Variants in TAOK2 observed in about 807,000 individuals in gnomAD.
TAOK2 encodes the protein serine/threonine-protein kinase TAO2.
A neutral mutation model predicts 122.5 loss-of-function variants in TAOK2; 42 were observed. The ratio of observed to expected loss-of-function variants is 0.34; its 90% CI spans 0.27 to 0.44. TAOK2 has a LOEUF of 0.44. Ranked by LOEUF, TAOK2 falls within the 20% of genes least tolerant of loss-of-function variation. The pLI, the probability that TAOK2 is intolerant of heterozygous loss-of-function variation, is 1.00. For missense variants in TAOK2, 1,264 were observed against 1,644.9 expected (o/e 0.77, Z 4.01); for synonymous variants, 704 against 677.6 (o/e 1.04, Z -0.61).
In TAOK2 at chr16:29,985,631, A is replaced by G; in HGVS notation, c.1789-27A>G. On this transcript the variant is annotated intron_variant, in intron 14 of 15. Coordinates refer to ENST00000308893, the MANE Select transcript of TAOK2 (RefSeq NM_016151.4). This position sits in a 1 kb window ranked among gnomAD's most constrained non-coding sequence, Gnocchi z 6.9. ...CCGATGGCGAGCCAGGTGGGTCCTG[A>G]CCCTGCTTCCCTCTGCACTCGCCCA... The G allele has an allele frequency of 6.2e-7, 1 of 1,609,540 alleles. No individual in the cohort carries two copies.
Position 29,987,608 on chromosome 16 carries a change from T to G in TAOK2, c.3336T>G (p.Phe1112Leu), listed in dbSNP as rs1337949451. The change falls in exon 16 of 16, where the codon TTT (phenylalanine) becomes TTG (leucine). Residue 1112 changes from phenylalanine to leucine, a missense_variant. Physicochemically the swap from Phe to Leu is conservative, Grantham distance 22. Coordinates refer to ENST00000308893, the MANE Select transcript of TAOK2 (RefSeq NM_016151.4). Reference protein sequence around the residue: ...GCGAVGDRGLFALYPKTNKDG... With the variant: ...GCGAVGDRGLLALYPKTNKDG... Reference sequence around the variant, plus strand: ...GGGCTGTGGGGGACCGGGGTCTGTTTGCACTGTACCCCAAAACCAACAAGG... The same window carrying G: ...GGGCTGTGGGGGACCGGGGTCTGTTGGCACTGTACCCCAAAACCAACAAGG... 6.2e-7 allele frequency: 1 copy of G among 1,612,904 alleles called. No individual in the cohort carries two copies. The highest frequency in any genetic ancestry group is 8.5e-7 in the Non-Finnish European group (1 of 1,179,254).
chr16:29,982,743 G>A lies in TAOK2; in HGVS notation c.841G>A (p.Val281Met), dbSNP rs903892697. The change falls in exon 11 of 16, where the codon GTG becomes ATG. Residue 281 changes from valine to methionine, a missense_variant. Physicochemically the swap from Val to Met is conservative, Grantham distance 21. Transcript: ENST00000308893. ...TGCCCTCTTCCCCCAGCACCGCTTT[G>A]TGCTCCGGGAGCGGCCACCCACAGT... ...TSEVLLKHRF[V>M]LRERPPTVIM... 1 of 1,613,338 alleles carries A rather than the reference G, an allele frequency of 6.2e-7. No homozygotes were observed. The highest frequency in any genetic ancestry group is 1.7e-5 in the Admixed American group (1 of 59,936).
In TAOK2 at chr16:29,986,442, C is replaced by T. The variant is rs756682464; in HGVS notation, c.2170C>T (p.Arg724Cys). The change falls in exon 16 of 16, where the codon CGT (arginine) becomes TGT (cysteine). Residue 724 changes from arginine to cysteine, a missense_variant. Physicochemically the swap from Arg to Cys is radical, Grantham distance 180. Coordinates refer to ENST00000308893, the MANE Select transcript of TAOK2 (RefSeq NM_016151.4). The surrounding 1 kb of genome is among the most constrained non-coding windows in gnomAD (Gnocchi z 4.2). The stretch of plus-strand genomic sequence containing the variant: ...CAACCAGCTGGAGTACAACAAGCGG[C>T]GTGAGCAAGAGTTGCGGCAGAAGCA... ...LGNQLEYNKR[R>C]EQELRQKHAA... 1.2e-5 allele frequency: 19 copies of T among 1,608,232 alleles called. No individual in the cohort carries two copies. The highest frequency in any genetic ancestry group is 1.6e-5 in the Non-Finnish European group (19 of 1,177,302).
chr16:29,977,008 T>G (rs920633728), intron 1 of TAOK2, among the ~76,000 whole-genome samples: 5 of 152,194 alleles, frequency 3.3e-5, no homozygotes, highest in Admixed American at 3.3e-4. Flanking sequence ...TGAATAGAGA[T>G]AATGCACGTA....
chr16:29,975,668 G>A (rs2069432798), intron 1 of TAOK2, among the ~76,000 whole-genome samples: 1 of 152,166 alleles, frequency 6.6e-6, no homozygotes, highest in Non-Finnish European at 1.5e-5. Flanking sequence ...TCCTGAGAGG[G>A]CTCTCTCCTG....
chr16:29,981,575 T>C, intron 8 of TAOK2, 86 bp from the exon 9 acceptor site: 2 of 1,280,380 alleles, frequency 1.6e-6, no homozygotes, highest in Non-Finnish European at 2.3e-6. Flanking sequence ...GGAATTGGGG[T>C]TTGAACCCAA....
chr16:29,990,618 G>C, downstream of TAOK2: 1 of 575,298 alleles, frequency 1.7e-6, no homozygotes, highest in East Asian at 3.1e-5. Context: ...CTGGGGGATA[G>C]ATTCTGCAGT....
chr16:29,978,198 GA>G lies in TAOK2; in HGVS notation c.204+39del, dbSNP rs371248675. On this transcript the variant is annotated intron_variant, in intron 3 of 15. Coordinates refer to ENST00000308893, the MANE Select transcript of TAOK2 (RefSeq NM_016151.4). The stretch of plus-strand genomic sequence containing the variant: ...CAATACAGCCAGGTTGGGGACAGGG[GA>G]CTCCTGTCTCAAGATGCAAGCTGGG... 343 of 1,613,998 alleles carry G rather than the reference GA, an allele frequency of 2.1e-4. No homozygotes were observed. In the Middle Eastern group the frequency reaches 2.5e-3, roughly 12 times the overall value.
rs568222632 is a variant in TAOK2 at position 29,985,976 on chromosome 16, C to T, written c.1992+115C>T. ...TCCTTGGCCCTCGAGTGTTACAGTT[C>T]AGCTTTGCTTCAGTGCCCCTTTTAC... On this transcript the variant is annotated intron_variant, in intron 15 of 15. Transcript: ENST00000308893. The surrounding 1 kb of genome is among the most constrained non-coding windows in gnomAD (Gnocchi z 6.9). 4 of 1,316,888 alleles carry T rather than the reference C, an allele frequency of 3.0e-6. No individual in the cohort carries two copies. Among genetic ancestry groups the T allele is most frequent in the Non-Finnish European group, 4.2e-6 (4 of 958,480 alleles). 81.6% of individuals were successfully genotyped at this position (1,316,888 alleles called of 1,614,324 possible).
At chr16:29,991,728 A>AGT, downstream of TAOK2, 1 of 989,222 alleles carries the variant, frequency 1.0e-6, no homozygotes, top group Non-Finnish European at 1.3e-6. The surrounding 1 kb of genome is among the most constrained non-coding windows in gnomAD (Gnocchi z 5.6). Context: ...GGGGCTGGCC[A>AGT]GTGGCCCAGG....
In TAOK2 at chr16:29,981,649, C is replaced by T. The variant is rs777921245; in HGVS notation, c.656-12C>T. 2 of 1,613,796 alleles carry T rather than the reference C, an allele frequency of 1.2e-6. No homozygotes were observed. On this transcript the variant is annotated splice_polypyrimidine_tract_variant and intron_variant, in intron 8 of 15. Coordinates refer to ENST00000308893, the MANE Select transcript of TAOK2 (RefSeq NM_016151.4). ...CACCTCTCACCTTCTTCCCTTTCAC[C>T]TTTTTCTGTAGCTGAACGGAAACCA...
In TAOK2 at chr16:29,985,487, A is replaced by G; in HGVS notation, c.1697A>G (p.Gln566Arg). The G allele has an allele frequency of 6.2e-7, 1 of 1,613,284 alleles. No homozygotes were observed. Among genetic ancestry groups the G allele is most frequent in the Non-Finnish European group, 8.5e-7 (1 of 1,179,692 alleles). Reference protein sequence around the residue: ...AAQAEERKFQQHILGQQKKEL... With the variant: ...AAQAEERKFQRHILGQQKKEL... Reference sequence around the variant, plus strand: ...CAGGCCGAGGAGCGGAAGTTCCAGCAGCACATCCTTGGGCAGCAGAAGAAG... The same window carrying G: ...CAGGCCGAGGAGCGGAAGTTCCAGCGGCACATCCTTGGGCAGCAGAAGAAG... Residue 566 changes from glutamine to arginine, a missense_variant, in exon 14 of 16, where the codon CAG (glutamine) becomes CGG (arginine). Gln to Arg is a conservative substitution (Grantham distance 43). Transcript: ENST00000308893. The surrounding 1 kb of genome is among the most constrained non-coding windows in gnomAD (Gnocchi z 6.9).
chr16:29,990,577 G>C (rs748399147), downstream of TAOK2: 2 of 430,792 alleles, frequency 4.6e-6, no homozygotes, highest in African/African-American at 4.0e-5. Context: ...CAACGCTTCC[G>C]TGAACACCTC....
At chr16:29,988,789 C>T (rs1344395875), downstream of TAOK2, 7 of 985,384 alleles carry the variant, frequency 7.1e-6, no homozygotes, top group Admixed American at 6.1e-5. Flanking sequence ...TGCAGACCCT[C>T]CACAGTAGGG....
At chr16:29,978,716 C>A in intron 4 of TAOK2, 83 bp from the exon 5 acceptor site, 1 of 1,531,572 alleles carries the variant, frequency 6.5e-7, no homozygotes, top group Non-Finnish European at 9.0e-7. Flanking sequence ...GGGGACATAG[C>A]TTGAGTACAG....
chr16:29,987,370 G>T lies in TAOK2; in HGVS notation c.3098G>T (p.Ser1033Ile). The T allele has an allele frequency of 6.3e-7, 1 of 1,597,264 alleles. No homozygotes were observed. The change falls in exon 16 of 16, where the codon AGC becomes ATC. Residue 1033 changes from serine to isoleucine, a missense_variant. Around this residue, in one of 4 missense-constraint regions of TAOK2, gnomAD observed 824 missense variants for 908.7 expected, o/e 0.91. Transcript: ENST00000308893. ...GCACTGGGGGCCGTCCTGGGCCTGAGCTGGCGCCGAGGCCTCATGGGTGTT... is the reference window on the plus strand; with the variant it reads ...GCACTGGGGGCCGTCCTGGGCCTGATCTGGCGCCGAGGCCTCATGGGTGTT... ...GTALGAVLGL[S>I]WRRGLMGVPL...
In TAOK2 at chr16:29,979,012, G is replaced by C; in HGVS notation, c.391G>C (p.Val131Leu). 6.2e-7 allele frequency: 1 copy of C among 1,614,160 alleles called. No homozygotes were observed. Among genetic ancestry groups the C allele is most frequent in the Non-Finnish European group, 8.5e-7 (1 of 1,180,036 alleles). The change falls in exon 6 of 16, where the codon GTG becomes CTG. Residue 131 changes from valine to leucine, a missense_variant. By Grantham distance (32) the Val-to-Leu change is conservative. Around this residue, in one of 4 missense-constraint regions of TAOK2, gnomAD observed 254 missense variants for 503.8 expected, o/e 0.50. Coordinates refer to ENST00000308893, the MANE Select transcript of TAOK2 (RefSeq NM_016151.4). The surrounding 1 kb of genome is among the most constrained non-coding windows in gnomAD (Gnocchi z 4.1). ...CCTTCAGGAGGTAGAGATCGCAGCT[G>C]TGACCCACGGGGCGCTTCAGGGCCT... The part of the protein sequence containing the change: ...KPLQEVEIAA[V>L]THGALQGLAY...
At chr16:29,991,269 G>A, downstream of TAOK2, 3 of 1,611,902 alleles carry the variant, frequency 1.9e-6, no homozygotes, top group Non-Finnish European at 2.5e-6. The surrounding 1 kb of genome is among the most constrained non-coding windows in gnomAD (Gnocchi z 5.6). Flanking sequence ...CCGTTCTGGG[G>A]CACACTGGAG....
At chr16:29,978,437 G>A (rs1596596786) in intron 4 of TAOK2, 84 bp downstream of exon 4, 1 of 1,415,764 alleles carries the variant, frequency 7.1e-7, no homozygotes, top group East Asian at 2.3e-5. Context: ...GGTGGTCCCT[G>A]TTCGTGGTGC....
Sources: gnomAD v4.1 joint callset for allele counts (sites outside exome capture counted in the v4.1 genomes callset) on GRCh38, gnomAD v4.1.1 for gene constraint, gnomAD v4.1.1 regional missense constraint, Gnocchi (gnomAD v3.1) non-coding constraint, MANE v1.5 for transcripts, NCBI Gene and HGNC (gene_info 2026-07-23, HGNC 2026-07-21) for gene names.